Variants in RPS6KB1 observed in about 807,000 individuals in gnomAD.
The protein encoded by RPS6KB1 is ribosomal protein S6 kinase B1, also known as ribosomal protein S6 kinase beta-1.
RPS6KB1 carries 12 observed loss-of-function variants against 70.2 expected under a neutral mutation model. The observed-to-expected ratio is 0.17, with a 90% confidence interval of 0.11 to 0.28. The LOEUF (loss-of-function observed/expected upper bound fraction) is 0.28. RPS6KB1 is among the 10% of genes least tolerant of loss of function. The pLI, the probability that RPS6KB1 is intolerant of heterozygous loss-of-function variation, is 1.00. For missense variants in RPS6KB1, 270 were observed against 646.6 expected, an observed-to-expected ratio of 0.42 and a Z score of 6.32; for synonymous variants, 175 against 211.2, an observed-to-expected ratio of 0.83 and a Z score of 1.49.
At chr17:59,925,177 T>C (rs2043531978) in intron 4 of RPS6KB1, among the ~76,000 whole-genome samples, 1 of 151,686 alleles carries the variant, frequency 6.6e-6, no homozygotes, top group Non-Finnish European at 1.5e-5. Flanking sequence ...GTAGATTCCA[T>C]AGGTTTTGGG....
Position 59,946,728 on chromosome 17 carries a change from CA to C in RPS6KB1, c.1524del (p.Lys508AsnfsTer6), listed in dbSNP as rs1245479754. The C allele has an allele frequency of 1.2e-6, 2 of 1,613,968 alleles. No homozygotes were observed. Among genetic ancestry groups the C allele is most frequent in the Admixed American group, 3.3e-5 (2 of 60,012 alleles). On this transcript the variant is annotated frameshift_variant, in exon 15 of 15. Transcript: ENST00000225577. LOFTEE classifies it high-confidence loss of function. The surrounding 1 kb of genome is among the most constrained non-coding windows in gnomAD (Gnocchi z 4.2). ...PIRQPNSGPYKKQAFPMISKR... is the reference protein window; with the variant it reads ...PIRQPNSGPYXKQAFPMISKR... ...TACGACAGCCGAACTCTGGGCCATA[CA>C]AAAAACAAGCTTTTCCCATGATCTC...
intron 10 of RPS6KB1, among the ~76,000 whole-genome samples, chr17:59,935,507 C>G (rs2044175914): frequency 6.6e-6 from 1 of 151,536 alleles, no homozygotes; most frequent in Non-Finnish European, 1.5e-5. Flanking sequence ...CAGGGTCTTG[C>G]CCTGTCACCC....
intron 12 of RPS6KB1, among the ~76,000 whole-genome samples, chr17:59,939,905 A>G (rs1344029438): frequency 3.9e-5 from 6 of 152,218 alleles, no homozygotes; most frequent in African/African-American, 9.7e-5. Context: ...GTCTAACCAG[A>G]TATTTTGGGA....
chr17:59,946,833 G>C lies in RPS6KB1; in HGVS notation c.*45G>C. On this transcript the variant is annotated 3_prime_UTR_variant, in exon 15 of 15. Transcript: ENST00000225577. The surrounding 1 kb of genome is among the most constrained non-coding windows in gnomAD (Gnocchi z 4.2). Reference sequence around the variant, plus strand: ...AATTTAAGGCAAAAAAGGTGGAGAGGGAGATGTGTGAGCATCCTGCAAGGT... The same window carrying C: ...AATTTAAGGCAAAAAAGGTGGAGAGCGAGATGTGTGAGCATCCTGCAAGGT... The C allele has an allele frequency of 1.2e-6, 2 of 1,606,636 alleles. No individual in the cohort carries two copies. Among genetic ancestry groups the C allele is most frequent in the Non-Finnish European group, 1.7e-6 (2 of 1,175,362 alleles).
intron 1 of RPS6KB1, among the ~76,000 whole-genome samples, chr17:59,894,530 T>G (rs1194370413): frequency 6.6e-6 from 1 of 152,226 alleles, no homozygotes; most frequent in Non-Finnish European, 1.5e-5. Context: ...GACAAAAGAT[T>G]GAGATGATGT....
intron 5 of RPS6KB1, among the ~76,000 whole-genome samples, chr17:59,927,548 C>T (rs1441391032): frequency 6.6e-6 from 1 of 151,354 alleles, no homozygotes; most frequent in African/African-American, 2.4e-5. Context: ...CTCTTCTCTC[C>T]CAGGCTGGAG....
At chr17:59,941,685 G>T (rs1463464346) in intron 13 of RPS6KB1, among the ~76,000 whole-genome samples, 1 of 150,244 alleles carries the variant, frequency 6.7e-6, no homozygotes, top group Non-Finnish European at 1.5e-5. Flanking sequence ...CCAGGTTGGA[G>T]TGCAGTGGCG....
rs1310816482 is a variant in RPS6KB1, at chr17:59,943,196, G to T, written c.1228-2210G>T. Among the ~76,000 whole-genome samples, 7 of 152,258 alleles carry T rather than the reference G, an allele frequency of 4.6e-5. No homozygotes were observed. The South Asian group carries it at 1.0e-3, about 23-fold the overall frequency. ...TTAAATTCAAGTTTGATGTGTGCAT[G>T]ATCAAAGTTACGGCATCTCTGTTAG... On this transcript the variant is annotated intron_variant, in intron 13 of 14. Coordinates refer to ENST00000225577, the MANE Select transcript of RPS6KB1 (RefSeq NM_003161.4).
intron 4 of RPS6KB1, among the ~76,000 whole-genome samples, chr17:59,918,613 G>A (rs768208495): frequency 2.6e-5 from 4 of 151,832 alleles, no homozygotes; most frequent in Non-Finnish European, 5.9e-5. Context: ...CAGGCAAAAC[G>A]TCCACCTCGG....
chr17:59,921,603 T>A (rs1455050079), intron 4 of RPS6KB1, among the ~76,000 whole-genome samples: 1 of 152,222 alleles, frequency 6.6e-6, no homozygotes, highest in Non-Finnish European at 1.5e-5. Flanking sequence ...TGTTTCAATC[T>A]GGACATTCTG....
chr17:59,898,508 C>G (rs747431044), intron 1 of RPS6KB1, among the ~76,000 whole-genome samples: 15 of 151,868 alleles, frequency 9.9e-5, no homozygotes, highest in Non-Finnish European at 2.2e-4. Flanking sequence ...GGCTGGAGTG[C>G]AGTGGTGCGA....
rs762959494 is a variant in RPS6KB1 at position 59,914,714 on chromosome 17, C to T, written c.381+11C>T. 2 of 1,593,646 alleles carry T rather than the reference C, an allele frequency of 1.3e-6. No homozygotes were observed. The highest frequency in any genetic ancestry group is 1.7e-6 in the Non-Finnish European group (2 of 1,163,360). On this transcript the variant is annotated intron_variant, in intron 4 of 14. Transcript: ENST00000225577. The stretch of plus-strand genomic sequence containing the variant: ...AAGGTGCTTAAAAAGGTGATTTCCA[C>T]TCCCCCTTTTTAGTCCTCACACACC...
intron 4 of RPS6KB1, among the ~76,000 whole-genome samples, chr17:59,923,332 A>T (rs2043392355): frequency 6.6e-6 from 1 of 151,880 alleles, no homozygotes; most frequent in Non-Finnish European, 1.5e-5. Flanking sequence ...ACGGGAGTAT[A>T]GGTGTGTACT....
intron 1 of RPS6KB1, among the ~76,000 whole-genome samples, chr17:59,901,991 A>G (rs1436029390): frequency 1.3e-5 from 2 of 149,204 alleles, no homozygotes; most frequent in African/African-American, 5.0e-5. Context: ...CAACCTGCGC[A>G]ACAGAATGAG....
intron 1 of RPS6KB1, among the ~76,000 whole-genome samples, chr17:59,901,738 A>C (rs1405561261): frequency 1.3e-5 from 2 of 151,510 alleles, no homozygotes; most frequent in Non-Finnish European, 2.9e-5. Context: ...ATCTCTATAG[A>C]TTTGGCTTTT....
At chr17:59,917,109 G>C (rs754725885) in intron 4 of RPS6KB1, among the ~76,000 whole-genome samples, 1 of 151,998 alleles carries the variant, frequency 6.6e-6, no homozygotes, top group Non-Finnish European at 1.5e-5. Context: ...CTTTGACTTT[G>C]ATTATTATTT....
chr17:59,926,617 T>G (rs1328169219), intron 5 of RPS6KB1, 35 bp downstream of exon 5: 7 of 1,520,926 alleles, frequency 4.6e-6, no homozygotes, highest in Non-Finnish European at 5.4e-6. Context: ...TTATTTGCAT[T>G]TGCTCCAGAA....
intron 12 of RPS6KB1, among the ~76,000 whole-genome samples, chr17:59,940,166 A>C (rs2044489514): frequency 1.3e-5 from 2 of 152,048 alleles, no homozygotes; most frequent in Non-Finnish European, 1.5e-5. Flanking sequence ...AACTGAACTA[A>C]TTATCTCTAA....
Position 59,893,415 on chromosome 17 carries a change from A to C in RPS6KB1, c.141+90A>C. On this transcript the variant is annotated intron_variant, in intron 1 of 14. Coordinates refer to ENST00000225577, the MANE Select transcript of RPS6KB1 (RefSeq NM_003161.4). This position sits in a 1 kb window ranked among gnomAD's most constrained non-coding sequence, Gnocchi z 4.1. Reference sequence around the variant, plus strand: ...GCGCGGTGTGTCCTAGAGCGTGGAGACCCAGGGGGGCTCCTGAGGAGCTGA... The same window carrying C: ...GCGCGGTGTGTCCTAGAGCGTGGAGCCCCAGGGGGGCTCCTGAGGAGCTGA... 7.6e-7 allele frequency: 1 copy of C among 1,321,586 alleles called. No homozygotes were observed. The highest frequency in any genetic ancestry group is 1.0e-6 in the Non-Finnish European group (1 of 957,442). 81.9% of individuals were successfully genotyped at this position (1,321,586 alleles called of 1,614,324 possible). A position where few individuals can be genotyped will look rare whatever the true frequency, so the allele number is the denominator to read the frequency against.
Sources: gnomAD v4.1 joint callset for allele counts (sites outside exome capture counted in the v4.1 genomes callset) on GRCh38, gnomAD v4.1.1 for gene constraint, Gnocchi (gnomAD v3.1) non-coding constraint, MANE v1.5 for transcripts, NCBI Gene and HGNC (gene_info 2026-07-23, HGNC 2026-07-21) for gene names.